Variants in PPFIBP1 observed in about 807,000 individuals in gnomAD.
PPFIBP1 encodes the protein PPFIB scaffold protein 1.
In PPFIBP1, 112 loss-of-function variants were observed where a neutral mutation model predicts 137.8. The ratio of observed to expected loss-of-function variants is 0.81; its 90% CI spans 0.70 to 0.95. The LOEUF (loss-of-function observed/expected upper bound fraction) is 0.95, where lower values mean the gene tolerates loss of function less well. PPFIBP1 is among the 40% of genes least tolerant of loss of function. The pLI is 0.00. For missense variants in PPFIBP1, 1,083 were observed against 1,196.6 expected, an observed-to-expected ratio of 0.91 and a Z score of 1.40; for synonymous variants, 378 against 417.3, an observed-to-expected ratio of 0.91 and a Z score of 1.15.
intron 21 of PPFIBP1, among the ~76,000 whole-genome samples, chr12:27,680,327 G>A (rs142508288): frequency 2.8e-4 from 42 of 152,254 alleles, no homozygotes; most frequent in South Asian, 1.2e-3. Flanking sequence ...TAAATTTTAC[G>A]TAGATGGTAA....
chr12:27,612,535 G>GA (rs1429299659), intron 2 of PPFIBP1, among the ~76,000 whole-genome samples: 2 of 151,866 alleles, frequency 1.3e-5, no homozygotes, highest in Non-Finnish European at 2.9e-5. Context: ...TTTTAATAGA[G>GA]ACAAGGTCTC....
In PPFIBP1 at chr12:27,646,303, G is replaced by C. The variant is rs2058482127; in HGVS notation, c.357+155G>C. 4 of 687,004 alleles carry C rather than the reference G, an allele frequency of 5.8e-6. No homozygotes were observed. In the East Asian group the frequency reaches 1.1e-4, roughly 20 times the overall value. The allele number at this position is 687,004 out of a possible 1,614,324, so 42.6% of individuals were successfully genotyped here. A position where few individuals can be genotyped will look rare whatever the true frequency, so the allele number is the denominator to read the frequency against. The stretch of plus-strand genomic sequence containing the variant: ...CACAATAGGGAGTGGTGAGGATTGG[G>C]GCAGAATGATGGTGTTTACACCCAG... On this transcript the variant is annotated intron_variant, in intron 5 of 29. Transcript: ENST00000228425.
intron 2 of PPFIBP1, among the ~76,000 whole-genome samples, chr12:27,603,088 C>T (rs2137824291): frequency 6.6e-6 from 1 of 152,324 alleles, no homozygotes; most frequent in Admixed American, 6.5e-5. Context: ...CTTCATGCAA[C>T]ACCAAATACA....
intron 2 of PPFIBP1, among the ~76,000 whole-genome samples, chr12:27,609,311 C>G (rs992333315): frequency 6.6e-6 from 1 of 152,200 alleles, no homozygotes; most frequent in Non-Finnish European, 1.5e-5. Flanking sequence ...GCTCCTCCTC[C>G]AGTGTTCTTT....
At chr12:27,562,731 C>T (rs1365686393) in intron 1 of PPFIBP1, among the ~76,000 whole-genome samples, 1 of 152,120 alleles carries the variant, frequency 6.6e-6, no homozygotes, top group Non-Finnish European at 1.5e-5. Flanking sequence ...TTCTGATTCT[C>T]CCATTGCCAG....
chr12:27,683,936 T>C (rs2061039090), intron 24 of PPFIBP1, among the ~76,000 whole-genome samples: 2 of 151,174 alleles, frequency 1.3e-5, no homozygotes, highest in South Asian at 4.2e-4. Context: ...TACAGGCACC[T>C]GCCACCATGC....
chr12:27,633,835 C>CTT (rs56705005), intron 3 of PPFIBP1, among the ~76,000 whole-genome samples: 3,007 of 112,940 alleles, frequency 0.027, 137 homozygotes, highest in Non-Finnish European at 0.034. Flanking sequence ...ACTCCCGTAT[C>CTT]TTTTTTTTTT....
chr12:27,569,004 T>G (rs533389940), intron 1 of PPFIBP1, among the ~76,000 whole-genome samples: 1 of 152,322 alleles, frequency 6.6e-6, no homozygotes, highest in East Asian at 1.9e-4. Flanking sequence ...CAGTGATGTC[T>G]GCTTCTTCAT....
intron 1 of PPFIBP1, among the ~76,000 whole-genome samples, chr12:27,558,060 GGTA>G (rs2136314545): frequency 6.6e-6 from 1 of 152,166 alleles, no homozygotes; most frequent in South Asian, 2.1e-4. Flanking sequence ...CAAGACTTTG[GGTA>G]TATGTAGAAA....
intron 2 of PPFIBP1, among the ~76,000 whole-genome samples, chr12:27,591,240 T>C (rs1332905402): frequency 2.0e-5 from 3 of 151,980 alleles, no homozygotes; most frequent in Non-Finnish European, 4.4e-5. Flanking sequence ...AGTCATATGC[T>C]TTGCCACATA....
In PPFIBP1 at chr12:27,656,696, G is replaced by A; in HGVS notation, c.777G>A (p.Lys259=). Residue 259 remains lysine (K), a synonymous_variant, in exon 9 of 30, where the codon AAG becomes AAA. Coordinates refer to ENST00000228425, the MANE Select transcript of PPFIBP1 (RefSeq NM_003622.4). ...GGCTACAAGAAAAATTGGTTTGCAA[G>A]ATGAAAGGAGAAGGGGTTGAAATTG... ...VKRLQEKLVC[K]MKGEGVEIVD... The A allele has an allele frequency of 6.2e-7, 1 of 1,610,962 alleles. No homozygotes were observed. Among genetic ancestry groups the A allele is most frequent in the Non-Finnish European group, 8.5e-7 (1 of 1,177,322 alleles).
At chr12:27,562,692 G>A (rs991890214) in intron 1 of PPFIBP1, among the ~76,000 whole-genome samples, 1 of 152,104 alleles carries the variant, frequency 6.6e-6, no homozygotes, top group Non-Finnish European at 1.5e-5. Context: ...AAGAAAATGA[G>A]CTTTTTAGAC....
In PPFIBP1 at chr12:27,682,412, A is replaced by C; in HGVS notation, c.2072A>C (p.His691Pro). ...EKELGIKHSL[H>P]RKKLQLALQA... ...GAACTTGGAATCAAGCATTCACTTC[A>C]TCGAAAGAAACTCCAGCTAGCACTC... Residue 691 changes from histidine (H) to proline (P), a missense_variant, in exon 23 of 30, where the codon CAT becomes CCT. His to Pro is a moderately conservative substitution (Grantham distance 77). Coordinates refer to ENST00000228425, the MANE Select transcript of PPFIBP1 (RefSeq NM_003622.4). 1.2e-6 allele frequency: 2 copies of C among 1,613,592 alleles called. No individual in the cohort carries two copies. Among genetic ancestry groups the C allele is most frequent in the Admixed American group, 3.3e-5 (2 of 60,026 alleles).
rs150263847 is a variant in PPFIBP1, at chr12:27,650,255, G to A, written c.603+114G>A. On this transcript the variant is annotated intron_variant, in intron 7 of 29. Coordinates refer to ENST00000228425, the MANE Select transcript of PPFIBP1 (RefSeq NM_003622.4). ...AAATTCCCTGGAGGTGTGCAAGGAAGGCAGTTAATTACTACGTACCATCAT... is the reference window on the plus strand; with the variant it reads ...AAATTCCCTGGAGGTGTGCAAGGAAAGCAGTTAATTACTACGTACCATCAT... 350 of 833,024 alleles carry A rather than the reference G, an allele frequency of 4.2e-4. 1 individual carries two copies. The African/African-American group carries it at 5.5e-3, about 13-fold the overall frequency. The allele number at this position is 833,024 out of a possible 1,614,324, so 51.6% of individuals were successfully genotyped here.
At chr12:27,551,302 G>A (rs1290008890) in intron 1 of PPFIBP1, among the ~76,000 whole-genome samples, 2 of 152,056 alleles carry the variant, frequency 1.3e-5, no homozygotes, top group East Asian at 3.9e-4. Context: ...AACTGAGAAG[G>A]CAGTGTCCAT....
At chr12:27,535,272 A>C (rs1040510481) in intron 1 of PPFIBP1, among the ~76,000 whole-genome samples, 3 of 152,184 alleles carry the variant, frequency 2.0e-5, no homozygotes, top group African/African-American at 7.2e-5. Flanking sequence ...TTGTCATTCT[A>C]TGTGAAGAAA....
At chr12:27,553,605 A>G (rs1391890650) in intron 1 of PPFIBP1, among the ~76,000 whole-genome samples, 1 of 152,208 alleles carries the variant, frequency 6.6e-6, no homozygotes, top group Non-Finnish European at 1.5e-5. Flanking sequence ...ATTCTTGTCT[A>G]CAAAGTTTAT....
At chr12:27,632,840 T>C (rs2057355357) in intron 2 of PPFIBP1, among the ~76,000 whole-genome samples, 2 of 152,168 alleles carry the variant, frequency 1.3e-5, no homozygotes, top group African/African-American at 4.8e-5. Context: ...AAATGTTTAG[T>C]ATCAGTAGGG....
intron 2 of PPFIBP1, chr12:27,592,547 G>C: frequency 7.8e-7 from 1 of 1,290,130 alleles, no homozygotes; most frequent in South Asian, 1.2e-5. Flanking sequence ...GGCTGACGGG[G>C]ACTCTTGGTG....
Sources: gnomAD v4.1 joint callset for allele counts (sites outside exome capture counted in the v4.1 genomes callset) on GRCh38, gnomAD v4.1.1 for gene constraint, MANE v1.5 for transcripts, NCBI Gene and HGNC (gene_info 2026-07-23, HGNC 2026-07-21) for gene names.